VPS13D: variants seen among roughly 807,000 people sequenced by gnomAD.
VPS13D encodes the protein vacuolar protein sorting 13 homolog D.
In VPS13D, 187 loss-of-function variants were observed where a neutral mutation model predicts 461.9. The observed-to-expected ratio is 0.40, with a 90% CI of 0.36 to 0.46. The LOEUF (loss-of-function observed/expected upper bound fraction) is 0.46, where lower values mean the gene tolerates loss of function less well. Among genes scored for constraint, VPS13D ranks in the 20% least tolerant of loss-of-function variants. VPS13D has a pLI of 0.60. For synonymous variants in VPS13D, 1,951 were observed against 1,986.3 expected (o/e 0.98, Z 0.47); for missense variants, 4,711 against 5,364.9 (o/e 0.88, Z 3.81).
chr1:12,279,453 T>C lies in VPS13D; in HGVS notation c.4451-46T>C. 1 of 1,521,810 alleles carries C rather than the reference T, an allele frequency of 6.6e-7. No homozygotes were observed. The highest frequency in any genetic ancestry group is 8.9e-7 in the Non-Finnish European group (1 of 1,123,386). 94.3% of individuals were successfully genotyped at this position (1,521,810 alleles called of 1,614,324 possible). On this transcript the variant is annotated intron_variant, in intron 19 of 69. Transcript: ENST00000620676. This position sits in a 1 kb window ranked among gnomAD's most constrained non-coding sequence, Gnocchi z 4.3. ...CTACGTTTAATCAGCAGTAATGAAG[T>C]AAATATTAAGGTTTATGGTCTATCA...
chr1:12,356,257 CT>C lies in VPS13D; in HGVS notation c.9872-136del, dbSNP rs549736496. The C allele has an allele frequency of 3.5e-4, 490 of 1,392,784 alleles. No homozygotes were observed. The East Asian group carries it at 0.012, about 34-fold the overall frequency. The allele number at this position is 1,392,784 out of a possible 1,614,324, so 86.3% of individuals were successfully genotyped here. A position where few individuals can be genotyped will look rare whatever the true frequency, so the allele number is the denominator to read the frequency against. On this transcript the variant is annotated intron_variant, in intron 48 of 69. Transcript: ENST00000620676. ...AATGCTTAATCATGCTCAAAACTGT[CT>C]TTTTAGGCAAGAAACTGAGCCCACT...
intron 40 of VPS13D, among the ~76,000 whole-genome samples, chr1:12,339,128 G>A (rs1266959111): frequency 6.6e-6 from 1 of 152,060 alleles, no homozygotes; most frequent in Non-Finnish European, 1.5e-5. Flanking sequence ...ATTTTACCAG[G>A]GTGGATGTTT....
chr1:12,262,707 CTTT>C (rs1466311010), intron 13 of VPS13D, among the ~76,000 whole-genome samples: 3 of 143,372 alleles, frequency 2.1e-5, no homozygotes, highest in Non-Finnish European at 1.5e-5. Flanking sequence ...TATTTTCTTT[CTTT>C]TTTTTTTTTT....
chr1:12,308,182 C>T (rs1297214181), intron 26 of VPS13D, among the ~76,000 whole-genome samples: 1 of 152,048 alleles, frequency 6.6e-6, no homozygotes, highest in Non-Finnish European at 1.5e-5. Context: ...AACTGTGACG[C>T]GGTCTGTGCT....
chr1:12,384,705 G>A (rs762167452), intron 58 of VPS13D, among the ~76,000 whole-genome samples: 5 of 151,862 alleles, frequency 3.3e-5, no homozygotes, highest in Non-Finnish European at 7.4e-5. Context: ...TTATAGCCTC[G>A]AACTCCTGGG....
intron 6 of VPS13D, among the ~76,000 whole-genome samples, chr1:12,252,743 G>A (rs1309812478): frequency 6.7e-6 from 1 of 148,214 alleles, no homozygotes; most frequent in Non-Finnish European, 1.5e-5. Flanking sequence ...CTGCACTCCA[G>A]CCTGGGTGAC....
chr1:12,360,813 T>C (rs967026518), intron 50 of VPS13D, among the ~76,000 whole-genome samples: 10 of 152,236 alleles, frequency 6.6e-5, no homozygotes, highest in African/African-American at 2.4e-4. Flanking sequence ...CCAGTTTAAG[T>C]GAATTACGGC....
chr1:12,422,172 T>C (rs1644872871), intron 65 of VPS13D, among the ~76,000 whole-genome samples: 1 of 152,188 alleles, frequency 6.6e-6, no homozygotes, highest in African/African-American at 2.4e-5. Flanking sequence ...ATAGGATGCT[T>C]TTGATTCTGG....
intron 18 of VPS13D, among the ~76,000 whole-genome samples, chr1:12,275,387 C>T (rs1266133583): frequency 6.6e-6 from 1 of 152,124 alleles, no homozygotes; most frequent in Non-Finnish European, 1.5e-5. Flanking sequence ...TGCACTCCAG[C>T]CTGGGTGACA....
At chr1:12,379,929 C>G (rs1042394311) in intron 57 of VPS13D, among the ~76,000 whole-genome samples, 3 of 152,022 alleles carry the variant, frequency 2.0e-5, no homozygotes, top group Admixed American at 2.0e-4. Flanking sequence ...CCACCACGCC[C>G]GGCTAATTTT....
chr1:12,260,927 G>T (rs985951184), intron 11 of VPS13D, 21 bp from the exon 12 acceptor site: 20 of 1,614,088 alleles, frequency 1.2e-5, no homozygotes, highest in Non-Finnish European at 1.6e-5. Context: ...ACTCATCTCT[G>T]CTCCTTTGTG....
In VPS13D at chr1:12,244,548, G is replaced by C. The variant is rs1640482972; in HGVS notation, c.378G>C (p.Gln126His). Residue 126 changes from glutamine (Q) to histidine (H), a missense_variant, in exon 5 of 70, where the codon CAG becomes CAC. Around this residue, in one of 3 missense-constraint regions of VPS13D, gnomAD observed 4,411 missense variants for 4,937.8 expected, o/e 0.89. Coordinates refer to ENST00000620676, the MANE Select transcript of VPS13D (RefSeq NM_015378.4). ...TCTTGTCTTTGTAGAATGACCGCCA[G>C]CAGAAAGGGGAGTCCTATTGGTATT... ...ALEEKWKNDRQQKGESYWYSV... is the reference protein window; with the variant it reads ...ALEEKWKNDRHQKGESYWYSV... 1.9e-6 allele frequency: 3 copies of C among 1,614,114 alleles called. No homozygotes were observed.
At chr1:12,471,109 T>C (rs1243364203) in intron 67 of VPS13D, among the ~76,000 whole-genome samples, 1 of 152,174 alleles carries the variant, frequency 6.6e-6, no homozygotes, top group East Asian at 1.9e-4. Context: ...AAGACTAGCC[T>C]GGCCAACATG....
intron 67 of VPS13D, among the ~76,000 whole-genome samples, chr1:12,466,359 C>T (rs1481319981): frequency 2.0e-5 from 3 of 152,088 alleles, no homozygotes; most frequent in African/African-American, 7.2e-5. Context: ...TAGGATATAC[C>T]AGTGTTCATT....
In VPS13D at chr1:12,505,253, T is replaced by G. The variant is rs1451475158; in HGVS notation, c.12795-1600T>G. 6.6e-6 allele frequency among the ~76,000 whole-genome samples: 1 copy of G among 152,204 alleles called. No homozygotes were observed. The highest frequency in any genetic ancestry group is 1.5e-5 in the Non-Finnish European group (1 of 68,040). On this transcript the variant is annotated intron_variant, in intron 68 of 69. Coordinates refer to ENST00000620676, the MANE Select transcript of VPS13D (RefSeq NM_015378.4). The surrounding 1 kb of genome is among the most constrained non-coding windows in gnomAD (Gnocchi z 4.2). The stretch of plus-strand genomic sequence containing the variant: ...CCCTCTCTGTCTGTCTTTCTGTCTT[T>G]CCCTGTGCCCTCCTTTCTTCCCCGG...
At chr1:12,391,903 C>G (rs184130667) in intron 60 of VPS13D, among the ~76,000 whole-genome samples, 4 of 152,162 alleles carry the variant, frequency 2.6e-5, no homozygotes, top group Admixed American at 2.0e-4. Flanking sequence ...CTCTGTCACC[C>G]AGGCTGGAGT....
At chr1:12,307,993 T>C (rs1259645507) in intron 26 of VPS13D, among the ~76,000 whole-genome samples, 1 of 152,138 alleles carries the variant, frequency 6.6e-6, no homozygotes, top group Non-Finnish European at 1.5e-5. Context: ...ATCTGGTCAG[T>C]GGAAATGGAC....
chr1:12,459,762 C>G (rs553065223), intron 66 of VPS13D, among the ~76,000 whole-genome samples: 1 of 152,238 alleles, frequency 6.6e-6, no homozygotes, highest in South Asian at 2.1e-4. Flanking sequence ...TGGGCGTGAG[C>G]CACTGCGCCC....
At position 12,318,254 on chromosome 1, in the gene VPS13D, C is replaced by G; in HGVS notation, c.7331C>G (p.Thr2444Ser). ...AGCGAATCTGCTATAGTTCCCAAAACTGTGAAGAGTGGAGTAGTTACCAAG... is the reference window on the plus strand; with the variant it reads ...AGCGAATCTGCTATAGTTCCCAAAAGTGTGAAGAGTGGAGTAGTTACCAAG... ...SSSESAIVPK[T>S]VKSGVVTKRS... The change falls in exon 31 of 70, where the codon ACT becomes AGT. Residue 2444 changes from threonine (T) to serine (S), a missense_variant. By Grantham distance (58) the Thr-to-Ser change is moderately conservative (BLOSUM62 1). Around this residue, in one of 3 missense-constraint regions of VPS13D, gnomAD observed 4,411 missense variants for 4,937.8 expected, o/e 0.89. Coordinates refer to ENST00000620676, the MANE Select transcript of VPS13D (RefSeq NM_015378.4). 6.2e-7 allele frequency: 1 copy of G among 1,614,188 alleles called. No individual in the cohort carries two copies. The highest frequency in any genetic ancestry group is 8.5e-7 in the Non-Finnish European group (1 of 1,180,038).
Sources: gnomAD v4.1 joint callset for allele counts (sites outside exome capture counted in the v4.1 genomes callset) on GRCh38, gnomAD v4.1.1 for gene constraint, gnomAD v4.1.1 regional missense constraint, Gnocchi (gnomAD v3.1) non-coding constraint, MANE v1.5 for transcripts, NCBI Gene and HGNC (gene_info 2026-07-23, HGNC 2026-07-21) for gene names.